Variants in NRG1 observed in about 807,000 individuals in gnomAD.
The protein encoded by NRG1 is pro-neuregulin-1, membrane-bound isoform.
Under a neutral mutation model 63.8 loss-of-function variants are expected in NRG1, and 18 were observed. The observed-to-expected ratio is 0.28, with a 90% confidence interval of 0.19 to 0.42. The LOEUF (loss-of-function observed/expected upper bound fraction) is 0.42, where lower values mean the gene tolerates loss of function less well. Ranked by LOEUF, NRG1 falls within the 10% of genes least tolerant of loss-of-function variation. NRG1 has a pLI of 1.00. For synonymous variants in NRG1, 302 were observed against 301.3 expected, an observed-to-expected ratio of 1.00 and a Z score of -0.02; for missense variants, 762 against 814.7, an observed-to-expected ratio of 0.94 and a Z score of 0.79.
chr8:32,614,959 C>T (rs1428000115), intron 4 of NRG1, among the ~76,000 whole-genome samples: 1 of 152,060 alleles, frequency 6.6e-6, no homozygotes, highest in East Asian at 1.9e-4. Context: ...GATCCGTGAC[C>T]TTTGGGTTTC....
intron 1 of NRG1, among the ~76,000 whole-genome samples, chr8:31,842,662 C>CTGTG (rs5890600): frequency 1.3e-5 from 2 of 152,084 alleles, no homozygotes; most frequent in African/African-American, 4.8e-5. Flanking sequence ...CTCAATTAGA[C>CTGTG]TATTTCTTGA....
chr8:32,058,536 A>G, intron 1 of NRG1, among the ~76,000 whole-genome samples: 1 of 152,070 alleles, frequency 6.6e-6, no homozygotes, highest in East Asian at 1.9e-4. Flanking sequence ...CCTCAGTGGC[A>G]TTCTCACTCC....
intron 1 of NRG1, among the ~76,000 whole-genome samples, chr8:32,282,678 G>C (rs1468529085): frequency 6.6e-6 from 1 of 152,052 alleles, no homozygotes; most frequent in African/African-American, 2.4e-5. Flanking sequence ...TCATAACCTG[G>C]GATTTAAGAA....
chr8:32,473,212 T>C (rs1385380513), intron 1 of NRG1, among the ~76,000 whole-genome samples: 2 of 152,226 alleles, frequency 1.3e-5, no homozygotes, highest in African/African-American at 4.8e-5. Context: ...CTGTTACCAA[T>C]GTGATAATTA....
chr8:32,077,374 C>T (rs981939165), intron 1 of NRG1, among the ~76,000 whole-genome samples: 4 of 151,836 alleles, frequency 2.6e-5, no homozygotes, highest in Admixed American at 2.0e-4. Context: ...CCCCTCCCCC[C>T]CAAAAAATTG....
intron 4 of NRG1, among the ~76,000 whole-genome samples, chr8:32,615,860 A>G (rs1177719446): frequency 6.9e-6 from 1 of 144,236 alleles, no homozygotes; most frequent in African/African-American, 2.6e-5. Context: ...GAAGGAAAAA[A>G]GAGGAAAAGA....
intron 1 of NRG1, among the ~76,000 whole-genome samples, chr8:32,413,612 T>C (rs565138368): frequency 3.9e-5 from 6 of 152,278 alleles, no homozygotes; most frequent in African/African-American, 7.2e-5. Flanking sequence ...ATAGAACACA[T>C]TCCCCCACAG....
At chr8:31,943,848 CCAA>C (rs1452189134) in intron 1 of NRG1, among the ~76,000 whole-genome samples, 2 of 152,166 alleles carry the variant, frequency 1.3e-5, no homozygotes, top group Admixed American at 1.3e-4. Flanking sequence ...CTTATGGTCC[CCAA>C]CAACAAGTTC....
At chr8:32,298,664 A>C (rs1855185162) in intron 1 of NRG1, among the ~76,000 whole-genome samples, 1 of 149,800 alleles carries the variant, frequency 6.7e-6, no homozygotes, top group African/African-American at 2.5e-5. Flanking sequence ...CAGTGAGCCG[A>C]GACTGCACCA....
chr8:31,943,394 G>C (rs1019513556), intron 1 of NRG1, among the ~76,000 whole-genome samples: 2 of 151,958 alleles, frequency 1.3e-5, no homozygotes, highest in African/African-American at 4.8e-5. Context: ...GAAAGTTTGG[G>C]GACTGGCGAA....
intron 1 of NRG1, among the ~76,000 whole-genome samples, chr8:31,819,693 T>C (rs1200598216): frequency 6.6e-6 from 1 of 152,170 alleles, no homozygotes; most frequent in Non-Finnish European, 1.5e-5. Context: ...GTTTTGTGTC[T>C]CAGTAATAGT....
intron 1 of NRG1, among the ~76,000 whole-genome samples, chr8:31,928,405 T>C (rs1255630368): frequency 7.2e-6 from 1 of 138,366 alleles, no homozygotes; most frequent in Non-Finnish European, 1.5e-5. Flanking sequence ...GGTGGGAATG[T>C]AAATTAGTAC....
At chr8:32,761,455 T>G (rs541531512) in intron 11 of NRG1, among the ~76,000 whole-genome samples, 1 of 152,314 alleles carries the variant, frequency 6.6e-6, no homozygotes, top group South Asian at 2.1e-4. Flanking sequence ...TGAAGGCCTG[T>G]TGCTTACTTT....
chr8:31,993,168 G>T (rs1421502846), intron 1 of NRG1, among the ~76,000 whole-genome samples: 5 of 152,022 alleles, frequency 3.3e-5, no homozygotes, highest in African/African-American at 1.2e-4. Context: ...TGGTTGATCA[G>T]TGTAGGTTTA....
intron 1 of NRG1, among the ~76,000 whole-genome samples, chr8:32,433,923 C>T (rs1025137215): frequency 1.2e-4 from 19 of 152,142 alleles, no homozygotes; most frequent in African/African-American, 4.3e-4. Flanking sequence ...ACTTAGACTT[C>T]ACACCTGTAA....
At chr8:32,715,213 T>G (rs1206353553) in intron 5 of NRG1, among the ~76,000 whole-genome samples, 1 of 152,106 alleles carries the variant, frequency 6.6e-6, no homozygotes, top group African/African-American at 2.4e-5. Context: ...CCTCAGCCTC[T>G]GAAAGTGCTG....
chr8:32,456,789 G>A (rs1563489435), intron 1 of NRG1, among the ~76,000 whole-genome samples: 3 of 152,132 alleles, frequency 2.0e-5, no homozygotes, highest in African/African-American at 7.2e-5. Flanking sequence ...CAGCATCCAT[G>A]TTGTTCAAGG....
At chr8:32,016,482 TG>T (rs146957250) in intron 1 of NRG1, among the ~76,000 whole-genome samples, 1,902 of 152,312 alleles carry the variant, frequency 0.012, 12 homozygotes, top group Non-Finnish European at 0.022. Context: ...ATTATCAAGC[TG>T]TTTTGACCAA....
intron 1 of NRG1, among the ~76,000 whole-genome samples, chr8:32,437,287 G>C (rs1371502568): frequency 6.6e-6 from 1 of 151,970 alleles, no homozygotes; most frequent in Non-Finnish European, 1.5e-5. Context: ...TCACTCCTGT[G>C]TGCCTCCTTT....
Sources: allele counts gnomAD v4.1 joint callset (sites outside exome capture counted in the v4.1 genomes callset), GRCh38; gene constraint gnomAD v4.1.1; transcripts MANE v1.5; gene names NCBI Gene and HGNC (gene_info 2026-07-23, HGNC 2026-07-21).